Variants in PLD1 observed in about 807,000 individuals in gnomAD.
The protein encoded by PLD1 is choline phosphatase 1.
In PLD1, 112 loss-of-function variants were observed where a neutral mutation model predicts 137.1. The observed-to-expected ratio is 0.82, with a 90% CI of 0.70 to 0.96. PLD1 has a LOEUF of 0.96. Ranked by LOEUF, PLD1 falls within the 40% of genes least tolerant of loss-of-function variation. PLD1 has a pLI of 0.00. For missense variants in PLD1, 1,321 were observed against 1,342.0 expected (o/e 0.98, Z 0.24); for synonymous variants, 431 against 454.7 (o/e 0.95, Z 0.66).
At chr3:171,609,507 A>AACACACAC (rs371080467) in intron 25 of PLD1, among the ~76,000 whole-genome samples, 113 of 136,964 alleles carry the variant, frequency 8.3e-4, no homozygotes, top group African/African-American at 2.3e-3. Flanking sequence ...ACATAAAGAA[A>AACACACAC]ACACACACAC....
In PLD1 at chr3:171,737,943, C is replaced by T. The variant is rs764482867; in HGVS notation, c.109G>A (p.Gly37Arg). Residue 37 changes from glycine to arginine, a missense_variant, in exon 2 of 27, where the codon GGA becomes AGA. Coordinates refer to ENST00000351298, the MANE Select transcript of PLD1 (RefSeq NM_002662.5). Reference sequence around the variant, plus strand: ...GACACGTCGTAGTCTACCTCCTCTCCCTCAAAGTGGAGTTCCCGCGTGTCC... The same window carrying T: ...GACACGTCGTAGTCTACCTCCTCTCTCTCAAAGTGGAGTTCCCGCGTGTCC... ...NLDTRELHFE[G>R]EEVDYDVSPS... 9 of 1,613,892 alleles carry T rather than the reference C, an allele frequency of 5.6e-6. No homozygotes were observed. Among genetic ancestry groups the T allele is most frequent in the Admixed American group, 1.7e-5 (1 of 59,976 alleles).
chr3:171,792,836 C>G (rs764121387), intron 1 of PLD1: 2 of 395,418 alleles, frequency 5.1e-6, no homozygotes, highest in South Asian at 3.7e-5. Flanking sequence ...AAATCCTCTT[C>G]AGGAGGACAC....
intron 1 of PLD1, among the ~76,000 whole-genome samples, chr3:171,764,934 G>A (rs867001034): frequency 0.1 from 654 of 6,266 alleles, 137 homozygotes; most frequent in Non-Finnish European, 0.17. Flanking sequence ...GGAAAGAAAG[G>A]AAAGAAAGAA....
chr3:171,789,466 A>G (rs1723137597), intron 1 of PLD1: 1 of 152,256 alleles, frequency 6.6e-6, no homozygotes, highest in African/African-American at 2.4e-5. Context: ...GCTCTGTAAA[A>G]CTAGGTACAC....
chr3:171,649,030 G>A (rs1255173638), intron 21 of PLD1, among the ~76,000 whole-genome samples: 1 of 151,940 alleles, frequency 6.6e-6, no homozygotes, highest in East Asian at 1.9e-4. Flanking sequence ...CACATTTGTT[G>A]GAAAAATCTT....
At chr3:171,720,088 A>G (rs1466674894) in intron 8 of PLD1, among the ~76,000 whole-genome samples, 1 of 152,088 alleles carries the variant, frequency 6.6e-6, no homozygotes, top group Non-Finnish European at 1.5e-5. Context: ...TGAGCTCAGG[A>G]GTTCAAGACC....
intron 21 of PLD1, among the ~76,000 whole-genome samples, chr3:171,653,024 G>T (rs1210612750): frequency 1.3e-5 from 2 of 152,102 alleles, no homozygotes; most frequent in Non-Finnish European, 1.5e-5. Context: ...GTAGCTTACT[G>T]GTAAAAAGCA....
Position 171,706,448 on chromosome 3 carries a change from G to A in PLD1, c.1145+2307C>T, listed in dbSNP as rs1253666394. Among the ~76,000 whole-genome samples, 6 of 151,894 alleles carry A rather than the reference G, an allele frequency of 4.0e-5. No individual in the cohort carries two copies. In the East Asian group the frequency reaches 1.2e-3, roughly 29 times the overall value. ...CTTTTACCTGGAATAGTCTTTGTTT[G>A]TGAGTCAGTTAGTAATGCAATGCTG... is the stretch of plus-strand genomic sequence containing the variant. On this transcript the variant is annotated intron_variant, in intron 11 of 26. Coordinates refer to ENST00000351298, the MANE Select transcript of PLD1 (RefSeq NM_002662.5).
intron 23 of PLD1, among the ~76,000 whole-genome samples, chr3:171,642,046 T>C (rs1029745783): frequency 1.3e-5 from 2 of 152,124 alleles, no homozygotes; most frequent in African/African-American, 2.4e-5. Context: ...CACAGAGATA[T>C]AGAGCAATAT....
rs200589154 is a variant in PLD1 at position 171,648,355 on chromosome 3, ATC to A, written c.2430-3334_2430-3333del. Among the ~76,000 whole-genome samples, 1,009 of 152,248 alleles carry A rather than the reference ATC, an allele frequency of 6.6e-3. 6 individuals are homozygous for A. Among genetic ancestry groups the A allele is most frequent in the African/African-American group, 0.022 (910 of 41,546 alleles). ...GTAGATGATTATACAGTGAAAAAAA[ATC>A]TCTCTCACTCCTTCATCCTGAGGGC... On this transcript the variant is annotated intron_variant, in intron 21 of 26. Transcript: ENST00000351298.
chr3:171,654,779 AGAGT>A, intron 21 of PLD1, among the ~76,000 whole-genome samples: 1 of 151,978 alleles, frequency 6.6e-6, no homozygotes, highest in East Asian at 1.9e-4. Flanking sequence ...TTTACTTATT[AGAGT>A]GAAGATTTGT....
At chr3:171,696,869 C>A (rs1223999505) in intron 12 of PLD1, among the ~76,000 whole-genome samples, 2 of 151,988 alleles carry the variant, frequency 1.3e-5, no homozygotes, top group Admixed American at 6.6e-5. Context: ...TTAAAAATTA[C>A]CAGCTCCAAG....
intron 1 of PLD1, among the ~76,000 whole-genome samples, chr3:171,780,621 G>A (rs544446080): frequency 5.3e-5 from 8 of 152,256 alleles, no homozygotes; most frequent in East Asian, 3.9e-4. Flanking sequence ...AAAAGAGTGC[G>A]TCAATGATAG....
chr3:171,605,551 C>G (rs1732141245), intron 25 of PLD1, 135 bp from the exon 26 acceptor site: 2 of 637,330 alleles, frequency 3.1e-6, no homozygotes, highest in African/African-American at 3.7e-5. Context: ...CCTAGCTACT[C>G]TCATATCCTC....
At chr3:171,770,911 A>AAAAG (rs1722307087) in intron 1 of PLD1, among the ~76,000 whole-genome samples, 2 of 144,478 alleles carry the variant, frequency 1.4e-5, no homozygotes, top group Non-Finnish European at 3.0e-5. Flanking sequence ...AAAAAAAAAA[A>AAAAG]GGGGGCGGGG....
Position 171,603,269 on chromosome 3 carries a change from T to A in PLD1, c.3034A>T (p.Asn1012Tyr), listed in dbSNP as rs1731958226. The part of the protein sequence containing the change: ...FRCLPNDEVH[N>Y]LIQLRDFINK... Reference sequence around the variant, plus strand: ...ATAAAGTCTCTCAGCTGAATTAAATTGTGTACTTCATCATTGGGAAGGCAC... The same window carrying A: ...ATAAAGTCTCTCAGCTGAATTAAATAGTGTACTTCATCATTGGGAAGGCAC... The change falls in exon 27 of 27, where the codon AAT (asparagine) becomes TAT (tyrosine). Residue 1012 changes from asparagine (N) to tyrosine (Y), a missense_variant. Physicochemically the swap from Asn to Tyr is moderately radical, Grantham distance 143. Coordinates refer to ENST00000351298, the MANE Select transcript of PLD1 (RefSeq NM_002662.5). 1 of 1,613,900 alleles carries A rather than the reference T, an allele frequency of 6.2e-7. No individual in the cohort carries two copies. The highest frequency in any genetic ancestry group is 1.7e-5 in the Admixed American group (1 of 59,968).
intron 1 of PLD1, among the ~76,000 whole-genome samples, chr3:171,760,772 G>A (rs919476766): frequency 2.6e-5 from 4 of 152,214 alleles, no homozygotes. Flanking sequence ...AACTCCAAGA[G>A]AGAATCACAT....
intron 16 of PLD1, among the ~76,000 whole-genome samples, chr3:171,678,358 C>T (rs988019729): frequency 1.3e-5 from 2 of 152,174 alleles, no homozygotes; most frequent in African/African-American, 4.8e-5. Context: ...CATTTATATA[C>T]TTCAAATCAT....
At chr3:171,660,596 TTTA>T (rs1278342602) in intron 20 of PLD1, among the ~76,000 whole-genome samples, 2 of 151,312 alleles carry the variant, frequency 1.3e-5, no homozygotes, top group Non-Finnish European at 2.9e-5. Flanking sequence ...AGCTGATTAT[TTTA>T]TTTTTTATTT....
Sources: gnomAD v4.1 joint callset for allele counts (sites outside exome capture counted in the v4.1 genomes callset) on GRCh38, gnomAD v4.1.1 for gene constraint, MANE v1.5 for transcripts, NCBI Gene and HGNC (gene_info 2026-07-23, HGNC 2026-07-21) for gene names.